SCNN1D: variants seen among roughly 807,000 people sequenced by gnomAD.
SCNN1D encodes the protein epithelial sodium channel subunit delta.
A neutral mutation model predicts 87.8 loss-of-function variants in SCNN1D; 104 were observed. The ratio of observed to expected loss-of-function variants is 1.18; its 90% confidence interval spans 1.01 to 1.39. The LOEUF (loss-of-function observed/expected upper bound fraction) is 1.39, where lower values mean the gene tolerates loss of function less well. Among genes scored for constraint, SCNN1D ranks in the 40% most tolerant of loss-of-function variants. SCNN1D has a pLI of 0.00. For synonymous variants in SCNN1D, 628 were observed against 481.2 expected (o/e 1.31, Z -3.99); for missense variants, 1,324 against 1,093.9 (o/e 1.21, Z -2.97).
rs185904789 is a variant in SCNN1D at position 1,287,727 on chromosome 1, C to A, written c.1454C>A (p.Thr485Lys). The A allele has an allele frequency of 6.2e-7, 1 of 1,609,084 alleles. No individual in the cohort carries two copies. The highest frequency in any genetic ancestry group is 8.5e-7 in the Non-Finnish European group (1 of 1,178,306). ...EQQPHLPLLS[T>K]LAGIRVMVHG... ...CAGCCTCACCTCCCTCTGCTGTCCA[C>A]GCTGGCCGGCATCAGGGTCATGGTT... The change falls in exon 11 of 18, where the codon ACG becomes AAG. Residue 485 changes from threonine (T) to lysine (K), a missense_variant. Physicochemically the swap from Thr to Lys is moderately conservative, Grantham distance 78 (BLOSUM62 -1). Coordinates refer to ENST00000379116, the MANE Select transcript of SCNN1D (RefSeq NM_001130413.4).
intron 12 of SCNN1D, among the ~76,000 whole-genome samples, 186 bp downstream of exon 12, chr1:1,288,223 G>A (rs1206542311): frequency 2.3e-5 from 3 of 129,462 alleles, no homozygotes; most frequent in Non-Finnish European, 3.3e-5. Context: ...GCTCCGTCCC[G>A]TGTCTCTGCT....
At chr1:1,284,284 C>G (rs1280020189) in intron 5 of SCNN1D, among the ~76,000 whole-genome samples, 194 bp downstream of exon 5, 1 of 82,634 alleles carries the variant, frequency 1.2e-5, no homozygotes, top group Non-Finnish European at 2.3e-5. Flanking sequence ...GGACCCGCCT[C>G]GAGGTACCGT....
Position 1,286,029 on chromosome 1 carries a change from G to T in SCNN1D, c.662G>T (p.Arg221Leu). The change falls in exon 7 of 18, where the codon CGG becomes CTG. Residue 221 changes from arginine to leucine, a missense_variant. By Grantham distance (102) the Arg-to-Leu change is moderately radical. Coordinates refer to ENST00000379116, the MANE Select transcript of SCNN1D (RefSeq NM_001130413.4). ...CTGGTGGAGCTGCCCGCCTCGTTCC[G>T]GGAGCTGCTCACCTTCTTCTGCACC... Reference protein sequence around the residue: ...EGLVELPASFRELLTFFCTNA... With the variant: ...EGLVELPASFLELLTFFCTNA... The T allele has an allele frequency of 6.4e-7, 1 of 1,570,256 alleles. No homozygotes were observed. Among genetic ancestry groups the T allele is most frequent in the East Asian group, 2.4e-5 (1 of 42,432 alleles).
Position 1,281,267 on chromosome 1 carries a change from T to C in SCNN1D, c.47T>C (p.Leu16Pro). 6.5e-7 allele frequency: 1 copy of C among 1,535,792 alleles called. No individual in the cohort carries two copies. Among genetic ancestry groups the C allele is most frequent in the South Asian group, 1.2e-5 (1 of 84,064 alleles). ...SQKTTPLPRYLWPGHLSGPRR... is the reference protein window; with the variant it reads ...SQKTTPLPRYPWPGHLSGPRR... ...AAGACAACACCGCTCCCTCGTTACC[T>C]GTGGCCCGGCCACCTCAGCGGCCCA... Residue 16 changes from leucine (L) to proline (P), a missense_variant, in exon 2 of 18, where the codon CTG becomes CCG. Transcript: ENST00000379116.
chr1:1,281,112 G>A (rs1331587900), intron 1 of SCNN1D, 114 bp from the exon 2 acceptor site: 2 of 1,005,960 alleles, frequency 2.0e-6, no homozygotes, highest in Non-Finnish European at 3.0e-6. Flanking sequence ...CCGTCCCAGG[G>A]CTGACTCAGA....
At chr1:1,282,686 G>A (rs1023082052) in intron 4 of SCNN1D, among the ~76,000 whole-genome samples, 4 of 152,022 alleles carry the variant, frequency 2.6e-5, no homozygotes, top group Admixed American at 6.6e-5. Context: ...AGGTCGTAGC[G>A]TGTGTGAGGT....
chr1:1,284,557 CAGCGTGTGCTGGACCACGGGGGGTGCCG>C lies in SCNN1D; in HGVS notation c.464+513_464+540del, dbSNP rs879624742. On this transcript the variant is annotated intron_variant, in intron 5 of 17. Transcript: ENST00000379116. The stretch of plus-strand genomic sequence containing the variant: ...CGTGTGCTGGACCACGGGGGGTGCA[CAGCGTGTGCTGGACCACGGGGGGTGCCG>C]AGCGTGTGCTGGACCACGGGGGGTG... Among the ~76,000 whole-genome samples, 1,167 of 138,322 alleles carry C rather than the reference CAGCGTGTGCTGGACCACGGGGGGTGCCG, an allele frequency of 8.4e-3. 11 individuals are homozygous for C. The highest frequency in any genetic ancestry group is 0.026 in the African/African-American group (959 of 36,580). The allele number at this position is 138,322 out of a possible 152,430, so 90.7% of individuals were successfully genotyped here.
Position 1,290,882 on chromosome 1 carries a change from C to T in SCNN1D, c.1918-13C>T. Reference sequence around the variant, plus strand: ...TGGGGGAGCCGTGGCCACAGCAAACCTTCCGTCTGCAGGGATGGACTCTGG... The same window carrying T: ...TGGGGGAGCCGTGGCCACAGCAAACTTTCCGTCTGCAGGGATGGACTCTGG... On this transcript the variant is annotated splice_polypyrimidine_tract_variant and intron_variant, in intron 15 of 17. Transcript: ENST00000379116. 6.2e-7 allele frequency: 1 copy of T among 1,609,488 alleles called. No individual in the cohort carries two copies. Among genetic ancestry groups the T allele is most frequent in the East Asian group, 2.2e-5 (1 of 44,752 alleles).
intron 12 of SCNN1D, among the ~76,000 whole-genome samples, chr1:1,288,291 C>T (rs568701656): frequency 7.2e-5 from 6 of 83,098 alleles, no homozygotes; most frequent in South Asian, 6.5e-4. Flanking sequence ...GTCTCTGCTC[C>T]GTCCCGTGTC....
intron 5 of SCNN1D, among the ~76,000 whole-genome samples, chr1:1,285,370 C>A (rs1379694559): frequency 6.6e-6 from 1 of 152,202 alleles, no homozygotes. Context: ...ATGGGGCCAC[C>A]CCGAGCCACA....
At chr1:1,288,202 CCTGTGTCTCTGCT>C (rs1640653042) in intron 12 of SCNN1D, among the ~76,000 whole-genome samples, 165 bp downstream of exon 12, 1 of 151,006 alleles carries the variant, frequency 6.6e-6, no homozygotes. Flanking sequence ...CGCTCCATTC[CCTGTGTCTCTGCT>C]CCGTCCCGTG....
intron 12 of SCNN1D, among the ~76,000 whole-genome samples, 174 bp from the exon 13 acceptor site, chr1:1,290,088 CGTCCCGTGT>C (rs1557586146): frequency 7.5e-6 from 1 of 133,966 alleles, no homozygotes; most frequent in Non-Finnish European, 1.6e-5. Flanking sequence ...GTCTCTGCTC[CGTCCCGTGT>C]CTCTGCTCCG....
intron 3 of SCNN1D, 188 bp from the exon 4 acceptor site, chr1:1,282,041 TGGTGGGGGAGAAG>T: frequency 1.7e-6 from 1 of 594,514 alleles, no homozygotes; most frequent in Admixed American, 3.2e-5. Flanking sequence ...TGCCCAGATG[TGGTGGGGGAGAAG>T]CCCCAGGCCT....
At chr1:1,287,048 T>A (rs1378273008) in intron 8 of SCNN1D, 61 bp from the exon 9 acceptor site, 3 of 1,577,810 alleles carry the variant, frequency 1.9e-6, no homozygotes. Flanking sequence ...TGCTGGTACC[T>A]CGAGTGGGGA....
At chr1:1,285,188 C>T (rs1378765600) in intron 5 of SCNN1D, among the ~76,000 whole-genome samples, 4 of 152,236 alleles carry the variant, frequency 2.6e-5, no homozygotes, top group Admixed American at 1.3e-4. Flanking sequence ...TTCTGGCTCG[C>T]TCTAGCACCT....
At position 1,287,185 on chromosome 1, in the gene SCNN1D, TC is replaced by T. The variant is rs1432929546; in HGVS notation, c.1198del (p.His400ThrfsTer165). On this transcript the variant is annotated frameshift_variant, in exon 9 of 18. Transcript: ENST00000379116. LOFTEE classifies it high-confidence loss of function. ...GCGGCTGTCCAGGACTGGTACCACTTCCACTATGTGGATATCCTGGCCCTGC... is the reference window on the plus strand; with the variant it reads ...GCGGCTGTCCAGGACTGGTACCACTTCACTATGTGGATATCCTGGCCCTGC... ...GVAAVQDWYHFHYVDILALLP... is the reference protein window; with the variant it reads ...GVAAVQDWYHXHYVDILALLP... The T allele has an allele frequency of 3.1e-6, 5 of 1,612,126 alleles. No individual in the cohort carries two copies. The highest frequency in any genetic ancestry group is 4.2e-6 in the Non-Finnish European group (5 of 1,179,628).
rs1557583682 is a variant in SCNN1D at position 1,287,982 on chromosome 1, C to CCGG, written c.1611_1613dup (p.Gly538dup). ...GGGAGCCCCTACGGCCACTGCACCG[C>CCGG]CGGCGGGGAAGGCGTGGAGGTGGAG... On this transcript the variant is annotated inframe_insertion, in exon 12 of 18. Transcript: ENST00000379116. The CCGG allele has an allele frequency of 1.9e-6, 3 of 1,546,894 alleles. No homozygotes were observed. Among genetic ancestry groups the CCGG allele is most frequent in the Non-Finnish European group, 2.6e-6 (3 of 1,145,502 alleles).
rs1557584396 is a variant in SCNN1D at position 1,288,275 on chromosome 1, C to CCGTGTCTCTGCCCCGT, written c.1662+239_1662+240insGTGTCTCTGCCCCGTC. On this transcript the variant is annotated intron_variant, in intron 12 of 17. Transcript: ENST00000379116. ...CTCCGTCCCGTGTCTCTGCTCCGTC[C>CCGTGTCTCTGCCCCGT]CCCGAGTCTCTGCTCCGTCCCGTGT... 6.8e-5 allele frequency among the ~76,000 whole-genome samples: 4 copies of CCGTGTCTCTGCCCCGT among 58,774 alleles called. No homozygotes were observed. In the African/African-American group the frequency reaches 1.1e-3, roughly 15 times the overall value. The allele number at this position is 58,774 out of a possible 152,430, so 38.6% of individuals were successfully genotyped here. A position where few individuals can be genotyped will look rare whatever the true frequency, so the allele number is the denominator to read the frequency against.
intron 5 of SCNN1D, among the ~76,000 whole-genome samples, chr1:1,284,919 C>T (rs145590238): frequency 5.9e-5 from 9 of 152,312 alleles, no homozygotes; most frequent in African/African-American, 2.2e-4. Context: ...CCACAGCTCC[C>T]GCTTCTGCTG....
Sources: gnomAD v4.1 joint callset for allele counts (sites outside exome capture counted in the v4.1 genomes callset) on GRCh38, gnomAD v4.1.1 for gene constraint, MANE v1.5 for transcripts, NCBI Gene and HGNC (gene_info 2026-07-23, HGNC 2026-07-21) for gene names.